PLXDC2: variants seen among roughly 807,000 people sequenced by gnomAD.
The protein encoded by PLXDC2 is plexin domain containing 2.
Under a neutral mutation model 68.9 loss-of-function variants are expected in PLXDC2, and 40 were observed. That is an observed-to-expected ratio of 0.58 (90% CI 0.45 to 0.76). The LOEUF (loss-of-function observed/expected upper bound fraction) is 0.76, where lower values mean the gene tolerates loss of function less well. Ranked by LOEUF, PLXDC2 falls within the 30% of genes least tolerant of loss-of-function variation. The pLI, the probability that PLXDC2 is intolerant of heterozygous loss-of-function variation, is 0.00. For synonymous variants in PLXDC2, 243 were observed against 234.2 expected, an observed-to-expected ratio of 1.04 and a Z score of -0.34; for missense variants, 644 against 661.9, an observed-to-expected ratio of 0.97 and a Z score of 0.30.
At chr10:19,982,060 A>G (rs1834559794) in intron 1 of PLXDC2, among the ~76,000 whole-genome samples, 1 of 152,246 alleles carries the variant, frequency 6.6e-6, no homozygotes, top group South Asian at 2.1e-4. Context: ...CAGAATATAT[A>G]GTATTCATGA....
intron 13 of PLXDC2, among the ~76,000 whole-genome samples, chr10:20,247,428 G>GAC (rs754562052): frequency 8.5e-4 from 130 of 152,088 alleles, no homozygotes; most frequent in Admixed American, 1.4e-3. Flanking sequence ...AGGGAACAGT[G>GAC]ACTGTGCCAC....
At chr10:19,837,892 A>G (rs368946474) in intron 1 of PLXDC2, among the ~76,000 whole-genome samples, 2 of 152,196 alleles carry the variant, frequency 1.3e-5, no homozygotes, top group South Asian at 4.1e-4. Flanking sequence ...ACCTGACAAG[A>G]TATTAGCAAA....
chr10:20,064,096 C>T (rs1836152087), intron 3 of PLXDC2, among the ~76,000 whole-genome samples: 1 of 151,422 alleles, frequency 6.6e-6, no homozygotes, highest in Admixed American at 6.6e-5. Context: ...ATTGGGTCTT[C>T]CCACCACCAT....
At chr10:20,077,969 A>G (rs982091142) in intron 4 of PLXDC2, among the ~76,000 whole-genome samples, 1 of 151,960 alleles carries the variant, frequency 6.6e-6, no homozygotes, top group Non-Finnish European at 1.5e-5. Context: ...GAAGCATGGT[A>G]ATCTCTTCAG....
At chr10:20,202,809 T>C (rs1368067312) in intron 9 of PLXDC2, among the ~76,000 whole-genome samples, 1 of 152,174 alleles carries the variant, frequency 6.6e-6, no homozygotes, top group Non-Finnish European at 1.5e-5. Flanking sequence ...ATAAAATAAA[T>C]ACCAAAGTAT....
intron 2 of PLXDC2, among the ~76,000 whole-genome samples, chr10:20,013,116 A>G (rs899029207): frequency 6.6e-6 from 1 of 152,190 alleles, no homozygotes; most frequent in Non-Finnish European, 1.5e-5. Flanking sequence ...TATATAAATC[A>G]TTAATATTCA....
chr10:19,857,500 C>G (rs1837237252), intron 1 of PLXDC2, among the ~76,000 whole-genome samples: 1 of 152,122 alleles, frequency 6.6e-6, no homozygotes, highest in African/African-American at 2.4e-5. Flanking sequence ...CTTAAATATT[C>G]TTCTCATCAA....
At chr10:20,261,566 GAT>G (rs1229587616) in intron 13 of PLXDC2, among the ~76,000 whole-genome samples, 1 of 152,126 alleles carries the variant, frequency 6.6e-6, no homozygotes, top group Non-Finnish European at 1.5e-5. Context: ...TAATTTAAAA[GAT>G]AATCTGCCGG....
At chr10:20,189,489 A>ATATATATATATATATT (rs1834732294) in intron 9 of PLXDC2, among the ~76,000 whole-genome samples, 1 of 123,354 alleles carries the variant, frequency 8.1e-6, no homozygotes, top group Non-Finnish European at 1.7e-5. Flanking sequence ...ATATATATAT[A>ATATATATATATATATT]TATATATATA....
intron 13 of PLXDC2, among the ~76,000 whole-genome samples, chr10:20,274,824 C>A (rs1157814290): frequency 7.0e-6 from 1 of 143,610 alleles, no homozygotes; most frequent in Admixed American, 7.0e-5. Flanking sequence ...CCCATAGATA[C>A]AATTGACAAA....
chr10:20,173,907 C>A (rs1834483309), intron 7 of PLXDC2, among the ~76,000 whole-genome samples: 1 of 152,102 alleles, frequency 6.6e-6, no homozygotes, highest in African/African-American at 2.4e-5. Flanking sequence ...AACAATAATT[C>A]TCATTAATTT....
chr10:19,931,011 A>T (rs2131389119), intron 1 of PLXDC2, among the ~76,000 whole-genome samples: 1 of 152,258 alleles, frequency 6.6e-6, no homozygotes, highest in South Asian at 2.1e-4. Context: ...AGAAAGAAAG[A>T]TGGAAAGAAA....
Position 19,883,884 on chromosome 10 carries a change from C to CTTTTTTTTTTTTTTTTTTTTTTTTTTTT in PLXDC2, c.112+66720_112+66721insTTTTTTTTTTTTTTTTTTTTTTTTTTTT, listed in dbSNP as rs397846779. On this transcript the variant is annotated intron_variant, in intron 1 of 13. Transcript: ENST00000377252. ...ATTACTGTCTCCAGATCCCTTTAAA[C>CTTTTTTTTTTTTTTTTTTTTTTTTTTTT]TTTTTTTTTTTTTTTTTTTTTTTTT... Among the ~76,000 whole-genome samples, 19 of 55,106 alleles carry CTTTTTTTTTTTTTTTTTTTTTTTTTTTT rather than the reference C, an allele frequency of 3.4e-4. 5 individuals are homozygous for CTTTTTTTTTTTTTTTTTTTTTTTTTTTT. The highest frequency in any genetic ancestry group is 2.2e-3 in the East Asian group (3 of 1,354). 36.2% of individuals were successfully genotyped at this position (55,106 alleles called of 152,430 possible). A position where few individuals can be genotyped will look rare whatever the true frequency, so the allele number is the denominator to read the frequency against.
At chr10:19,960,011 A>G (rs1589556944) in intron 1 of PLXDC2, among the ~76,000 whole-genome samples, 1 of 152,128 alleles carries the variant, frequency 6.6e-6, no homozygotes, top group Admixed American at 6.5e-5. Context: ...ACAAAATGTA[A>G]TGACTTCATA....
chr10:19,917,503 G>A (rs1011594581), intron 1 of PLXDC2, among the ~76,000 whole-genome samples: 1 of 152,002 alleles, frequency 6.6e-6, no homozygotes, highest in African/African-American at 2.4e-5. Context: ...TCTCATAAAT[G>A]GTTTTGAAAT....
intron 1 of PLXDC2, among the ~76,000 whole-genome samples, chr10:19,879,770 A>G (rs1435180776): frequency 6.6e-6 from 1 of 152,202 alleles, no homozygotes; most frequent in Non-Finnish European, 1.5e-5. Context: ...TGGGTAATTC[A>G]GGAGGCAAGT....
In PLXDC2 at chr10:19,831,916, G is replaced by A. The variant is rs533935869; in HGVS notation, c.112+14725G>A. Among the ~76,000 whole-genome samples the A allele has an allele frequency of 7.2e-5, 11 of 152,252 alleles. No individual in the cohort carries two copies. In the South Asian group the frequency reaches 2.3e-3, roughly 32 times the overall value. On this transcript the variant is annotated intron_variant, in intron 1 of 13. Transcript: ENST00000377252. Reference sequence around the variant, plus strand: ...CATGCATGTGTCTTTATGGTAGAATGATTTATGTTTTTGACCCAGCAATCC... The same window carrying A: ...CATGCATGTGTCTTTATGGTAGAATAATTTATGTTTTTGACCCAGCAATCC...
intron 9 of PLXDC2, among the ~76,000 whole-genome samples, chr10:20,203,468 C>T (rs1353980044): frequency 6.6e-6 from 1 of 151,740 alleles, no homozygotes. Flanking sequence ...CCATGCCTGG[C>T]TAATTTTTCT....
At chr10:20,213,355 G>A (rs1260182831) in intron 10 of PLXDC2, among the ~76,000 whole-genome samples, 4 of 151,840 alleles carry the variant, frequency 2.6e-5, no homozygotes, top group Non-Finnish European at 4.4e-5. Context: ...CCTGTTTTAT[G>A]TATATTTTCT....
Sources: gnomAD v4.1 joint callset for allele counts (sites outside exome capture counted in the v4.1 genomes callset) on GRCh38, gnomAD v4.1.1 for gene constraint, MANE v1.5 for transcripts, NCBI Gene and HGNC (gene_info 2026-07-23, HGNC 2026-07-21) for gene names.